The following ATXN3 variants were observed in gnomAD, a reference collection of about 807,000 sequenced individuals.
ATXN3 encodes ataxin-3.
A neutral mutation model predicts 58.2 loss-of-function variants in ATXN3; 28 were observed. That is an observed-to-expected ratio of 0.48 (90% CI 0.36 to 0.66). The LOEUF (loss-of-function observed/expected upper bound fraction) is 0.66, where lower values mean the gene tolerates loss of function less well. Among genes scored for constraint, ATXN3 ranks in the 30% least tolerant of loss-of-function variants. The probability of loss-of-function intolerance (pLI) is 0.00; values close to 1 mark genes in which losing one functional copy is unlikely to be tolerated. For missense variants in ATXN3, 321 were observed against 422.1 expected, an observed-to-expected ratio of 0.76 and a Z score of 2.10; for synonymous variants, 113 against 138.5, an observed-to-expected ratio of 0.82 and a Z score of 1.29.
downstream of ATXN3, chr14:92,058,499 A>C (rs2057519939): frequency 6.6e-6 from 1 of 152,214 alleles, no homozygotes; most frequent in South Asian, 2.1e-4. Flanking sequence ...GCCCAGCTCT[A>C]ATCACACTTT....
intron 7 of ATXN3, among the ~76,000 whole-genome samples, chr14:92,082,915 G>C (rs1357965106): frequency 1.3e-5 from 2 of 152,074 alleles, no homozygotes; most frequent in Non-Finnish European, 2.9e-5. Context: ...CTCCCGAAGT[G>C]CTAGGAATAT....
At chr14:92,066,045 A>G (rs77219009) in intron 10 of ATXN3, among the ~76,000 whole-genome samples, 42,901 of 151,642 alleles carry the variant, frequency 0.28, 6,412 homozygotes, top group African/African-American at 0.38. Flanking sequence ...TGCTTGCCTC[A>G]GCCTCCCTAA....
intron 9 of ATXN3, among the ~76,000 whole-genome samples, chr14:92,074,258 C>T (rs1428980024): frequency 3.3e-5 from 5 of 151,198 alleles, no homozygotes; most frequent in Admixed American, 1.3e-4. Flanking sequence ...AGCTGGGAGG[C>T]GGAGGCTGCA....
At chr14:92,101,560 T>C (rs917157674) in intron 1 of ATXN3, among the ~76,000 whole-genome samples, 2 of 152,298 alleles carry the variant, frequency 1.3e-5, no homozygotes, top group African/African-American at 4.8e-5. Context: ...TCAGCGGTAT[T>C]GAAATCTCAT....
chr14:92,090,356 C>T (rs2063509343), intron 5 of ATXN3: 1 of 152,170 alleles, frequency 6.6e-6, no homozygotes. Flanking sequence ...CATCCTCCCA[C>T]CTCAGCCTCC....
intron 8 of ATXN3, 138 bp downstream of exon 8, chr14:92,082,162 G>A: frequency 1.1e-6 from 1 of 883,284 alleles, no homozygotes; most frequent in South Asian, 2.8e-5. Flanking sequence ...AAATCTAAAG[G>A]GAAAGCCCAC....
chr14:92,068,180 C>T (rs1192341655), intron 10 of ATXN3, among the ~76,000 whole-genome samples: 2 of 152,176 alleles, frequency 1.3e-5, no homozygotes, highest in Non-Finnish European at 2.9e-5. Flanking sequence ...AGTGTTATCA[C>T]CTCCTGGAGG....
intron 9 of ATXN3, among the ~76,000 whole-genome samples, chr14:92,078,999 G>C (rs1021011174): frequency 4.6e-5 from 7 of 151,908 alleles, no homozygotes; most frequent in Non-Finnish European, 1.0e-4. Flanking sequence ...CAGCCTGGAC[G>C]ACATGGTGAA....
chr14:92,093,571 G>A, intron 4 of ATXN3, 175 bp downstream of exon 4: 1 of 651,332 alleles, frequency 1.5e-6, no homozygotes. Context: ...TGCCAGGAAG[G>A]CTACAGGGCA....
chr14:92,056,175 G>C (rs1315330863), downstream of ATXN3, among the ~76,000 whole-genome samples: 1 of 152,160 alleles, frequency 6.6e-6, no homozygotes, highest in Non-Finnish European at 1.5e-5. Context: ...GCCTTAGCAG[G>C]ACTCTGGGCA....
intron 6 of ATXN3, among the ~76,000 whole-genome samples, chr14:92,084,313 C>T (rs8014592): frequency 0.28 from 42,801 of 151,838 alleles, 6,329 homozygotes; most frequent in East Asian, 0.44. Flanking sequence ...TAATCATCTG[C>T]GGAAAGAGCT....
At chr14:92,053,126 T>C (rs1381912329), upstream of ATXN3, among the ~76,000 whole-genome samples, 3 of 152,158 alleles carry the variant, frequency 2.0e-5, no homozygotes, top group Non-Finnish European at 2.9e-5. Context: ...GGCGCATGCC[T>C]GTAGTCCCAG....
At chr14:92,094,636 A>C (rs1215267233) in intron 3 of ATXN3, among the ~76,000 whole-genome samples, 5 of 152,348 alleles carry the variant, frequency 3.3e-5, no homozygotes, top group African/African-American at 1.2e-4. Flanking sequence ...TGTTTATTTC[A>C]ATCTGTCTGA....
chr14:92,095,944 G>GAA, intron 3 of ATXN3, 149 bp downstream of exon 3: 13 of 632,606 alleles, frequency 2.1e-5, no homozygotes, highest in Middle Eastern at 2.7e-4. Flanking sequence ...TCTGTCTCAA[G>GAA]AAAAAAAAAA....
chr14:92,098,168 A>T (rs1240054662), intron 1 of ATXN3, among the ~76,000 whole-genome samples: 1 of 152,120 alleles, frequency 6.6e-6, no homozygotes, highest in African/African-American at 2.4e-5. Flanking sequence ...AAGAGATCTC[A>T]CTATGTTGCC....
Position 92,096,750 on chromosome 14 carries a change from T to A in ATXN3, c.113A>T (p.His38Leu). 2 of 1,613,878 alleles carry A rather than the reference T, an allele frequency of 1.2e-6. No homozygotes were observed. The highest frequency in any genetic ancestry group is 1.7e-6 in the Non-Finnish European group (2 of 1,179,756). Residue 38 changes from histidine (H) to leucine (L), a missense_variant, in exon 2 of 11, where the codon CAT becomes CTT. This residue lies in a region of ATXN3 where 121 missense variants were observed against 198.9 expected (regional missense o/e 0.61). Coordinates refer to ENST00000644486, the MANE Select transcript of ATXN3 (RefSeq NM_004993.6). ...FSPVELSSIAHQLDEEERMRM... is the reference protein window; with the variant it reads ...FSPVELSSIALQLDEEERMRM... ...CATCCTCTCCTCCTCATCCAGCTGA[T>A]GTGCAATTGAGGATAATTCCACAGG...
intron 6 of ATXN3, among the ~76,000 whole-genome samples, chr14:92,087,763 T>TA (rs2062912560): frequency 6.6e-6 from 1 of 152,032 alleles, no homozygotes; most frequent in Admixed American, 6.6e-5. Context: ...ATGGCTGGAA[T>TA]AAAAAAACAG....
chr14:92,105,492 T>TTG (rs1423322925), intron 1 of ATXN3, among the ~76,000 whole-genome samples: 6 of 152,172 alleles, frequency 3.9e-5, no homozygotes, highest in South Asian at 4.1e-4. Context: ...GCTTTATTTG[T>TTG]TGTGTGTGTG....
At chr14:92,095,071 A>C (rs2064857680) in intron 3 of ATXN3, among the ~76,000 whole-genome samples, 1 of 151,608 alleles carries the variant, frequency 6.6e-6, no homozygotes, top group Non-Finnish European at 1.5e-5. Flanking sequence ...ATATATAACC[A>C]CCAAAGAATT....
Sources: allele counts gnomAD v4.1 joint callset (sites outside exome capture counted in the v4.1 genomes callset), GRCh38; gene constraint gnomAD v4.1.1; regional missense constraint gnomAD v4.1.1; transcripts MANE v1.5; gene names NCBI Gene and HGNC (gene_info 2026-07-23, HGNC 2026-07-21).